Variants in GDPD5 observed in about 807,000 individuals in gnomAD.
GDPD5 encodes glycerophosphodiester phosphodiesterase 2.
GDPD5 carries 48 observed loss-of-function variants against 75.1 expected under a neutral mutation model. That is an observed-to-expected ratio of 0.64 (90% CI 0.51 to 0.81). GDPD5 has a LOEUF of 0.81. Ranked by LOEUF, GDPD5 falls within the 40% of genes least tolerant of loss-of-function variation. GDPD5 has a pLI of 0.00. For synonymous variants in GDPD5, 336 were observed against 339.0 expected (o/e 0.99, Z 0.10); for missense variants, 706 against 822.6 (o/e 0.86, Z 1.73).
At chr11:75,523,611 A>G (rs1288845481) in intron 1 of GDPD5, among the ~76,000 whole-genome samples, 2 of 152,256 alleles carry the variant, frequency 1.3e-5, no homozygotes, top group Non-Finnish European at 2.9e-5. Flanking sequence ...TCAAGAGGTC[A>G]CAAGTGACTC....
chr11:75,507,837 G>A (rs1376368008), intron 1 of GDPD5, among the ~76,000 whole-genome samples: 12 of 152,250 alleles, frequency 7.9e-5, no homozygotes, highest in Non-Finnish European at 1.8e-4. Flanking sequence ...CTCTACACAC[G>A]CATTGACCAT....
At position 75,435,567 on chromosome 11, in the gene GDPD5, A is replaced by G. The variant is rs1018622681; in HGVS notation, c.1758T>C (p.Pro586=). 3.5e-5 allele frequency: 56 copies of G among 1,613,164 alleles called. No homozygotes were observed. The highest frequency in any genetic ancestry group is 4.3e-5 in the Non-Finnish European group (51 of 1,179,692). The stretch of plus-strand genomic sequence containing the variant: ...GGCTGCCACCCCCTCGGGGGCCCAC[A>G]GGGGTGGCGGTGCTGTTGGCATATG... ...YDTYANSTAT[P]VGPRGGGSHT... The change falls in exon 17 of 17, where the codon CCT becomes CCC. Residue 586 remains proline (P), a synonymous_variant. Transcript: ENST00000336898.
intron 2 of GDPD5, among the ~76,000 whole-genome samples, chr11:75,483,720 C>T (rs1487390221): frequency 6.6e-6 from 1 of 152,184 alleles, no homozygotes; most frequent in Admixed American, 6.5e-5. Flanking sequence ...ATCTTGAAGA[C>T]GTCATGCCAA....
chr11:75,468,322 C>T (rs929433477), intron 3 of GDPD5, among the ~76,000 whole-genome samples: 4 of 152,190 alleles, frequency 2.6e-5, no homozygotes, highest in East Asian at 1.9e-4. Flanking sequence ...AGGCAGCGAG[C>T]GTGTCTGCAG....
intron 2 of GDPD5, among the ~76,000 whole-genome samples, chr11:75,487,861 A>C (rs1473610070): frequency 6.6e-6 from 1 of 152,228 alleles, no homozygotes; most frequent in East Asian, 1.9e-4. Context: ...TCAAAATCTC[A>C]GGCTCCAAAT....
intron 5 of GDPD5, among the ~76,000 whole-genome samples, chr11:75,457,270 G>A (rs1423234280): frequency 6.6e-6 from 1 of 152,190 alleles, no homozygotes; most frequent in Non-Finnish European, 1.5e-5. Context: ...CCTGCAGTGG[G>A]CCCTCTCGGC....
At chr11:75,457,816 A>T (rs1171364496) in intron 4 of GDPD5, 30 bp from the exon 5 acceptor site, 1 of 1,562,786 alleles carries the variant, frequency 6.4e-7, no homozygotes, top group Non-Finnish European at 8.8e-7. Context: ...CAGGGGTCAG[A>T]CCTCCACCAG....
At chr11:75,495,014 T>C (rs1950184717) in intron 1 of GDPD5, among the ~76,000 whole-genome samples, 1 of 151,756 alleles carries the variant, frequency 6.6e-6, no homozygotes, top group African/African-American at 2.4e-5. Flanking sequence ...ACGTCTGTAA[T>C]CTCAGCACTT....
intron 1 of GDPD5, among the ~76,000 whole-genome samples, chr11:75,493,307 C>T (rs1016732156): frequency 6.6e-6 from 1 of 151,432 alleles, no homozygotes; most frequent in African/African-American, 2.4e-5. Context: ...TCACATTATA[C>T]TCATGTGACC....
At chr11:75,438,678 C>T (rs1480387026) in intron 15 of GDPD5, 1 of 152,602 alleles carries the variant, frequency 6.6e-6, no homozygotes. Flanking sequence ...TAGGTCCCAT[C>T]CTGGAAATTC....
intron 1 of GDPD5, among the ~76,000 whole-genome samples, chr11:75,491,878 A>G (rs1430947852): frequency 6.6e-6 from 1 of 152,188 alleles, no homozygotes; most frequent in Non-Finnish European, 1.5e-5. Context: ...CAAACCTACA[A>G]GTGGCACAAA....
chr11:75,456,714 G>A, intron 6 of GDPD5, 43 bp downstream of exon 6: 1 of 1,601,494 alleles, frequency 6.2e-7, no homozygotes, highest in South Asian at 1.1e-5. Flanking sequence ...GCTGCCTCCA[G>A]CTTCCCTTGC....
intron 3 of GDPD5, among the ~76,000 whole-genome samples, chr11:75,467,625 G>T (rs776190547): frequency 6.6e-6 from 1 of 152,050 alleles, no homozygotes; most frequent in Non-Finnish European, 1.5e-5. Context: ...GCTGGAGACT[G>T]CCTAAGGAGG....
chr11:75,496,784 T>TTTTC (rs1950218838), intron 1 of GDPD5, among the ~76,000 whole-genome samples: 1 of 143,054 alleles, frequency 7.0e-6, no homozygotes, highest in East Asian at 2.1e-4. Context: ...TCTTTCTTTT[T>TTTTC]TTTTTTTTTT....
chr11:75,457,649 C>T (rs768393402), intron 5 of GDPD5, 44 bp downstream of exon 5: 1 of 1,546,788 alleles, frequency 6.5e-7, no homozygotes, highest in Admixed American at 1.7e-5. Flanking sequence ...GTATCCCTTC[C>T]CCTGGGAGCA....
chr11:75,445,392 T>C lies in GDPD5; in HGVS notation c.715-897A>G, dbSNP rs1565184398. ...TTCTCTGTGGGTCTCAGTTTCCCCA[T>C]GTGCCCCTTAGAGATGTGTACTCAT... On this transcript the variant is annotated intron_variant, in intron 9 of 16. Transcript: ENST00000336898. 2.0e-5 allele frequency among the ~76,000 whole-genome samples: 3 copies of C among 152,338 alleles called. No individual in the cohort carries two copies. In the East Asian group the frequency reaches 5.8e-4, roughly 29 times the overall value.
intron 4 of GDPD5, among the ~76,000 whole-genome samples, chr11:75,458,573 G>A (rs1408031732): frequency 6.6e-6 from 1 of 152,074 alleles, no homozygotes; most frequent in Non-Finnish European, 1.5e-5. Flanking sequence ...TCGGGAGGCC[G>A]AGGCAGGAGA....
chr11:75,478,689 G>A (rs11236437), intron 2 of GDPD5, among the ~76,000 whole-genome samples: 3 of 152,314 alleles, frequency 2.0e-5, no homozygotes, highest in East Asian at 3.9e-4. Flanking sequence ...CTAGCACATA[G>A]CAGACTTTCA....
intron 1 of GDPD5, among the ~76,000 whole-genome samples, chr11:75,517,914 A>G (rs1950678176): frequency 6.6e-6 from 1 of 152,222 alleles, no homozygotes; most frequent in South Asian, 2.1e-4. Flanking sequence ...AGATTCAGAC[A>G]AGGCTTCATT....
Sources: gnomAD v4.1 joint callset for allele counts (sites outside exome capture counted in the v4.1 genomes callset) on GRCh38, gnomAD v4.1.1 for gene constraint, MANE v1.5 for transcripts, NCBI Gene and HGNC (gene_info 2026-07-23, HGNC 2026-07-21) for gene names.